The following SPTBN4 variants were observed in gnomAD, a reference collection of about 807,000 sequenced individuals.
SPTBN4 encodes the protein spectrin beta chain, non-erythrocytic 4.
SPTBN4 carries 96 observed loss-of-function variants against 277.8 expected under a neutral mutation model. The observed-to-expected ratio is 0.35, with a 90% CI of 0.29 to 0.41. The LOEUF (loss-of-function observed/expected upper bound fraction) is 0.41, where lower values mean the gene tolerates loss of function less well. Among genes scored for constraint, SPTBN4 ranks in the 10% least tolerant of loss-of-function variants. The probability of loss-of-function intolerance (pLI) is 1.00; values close to 1 mark genes in which losing one functional copy is unlikely to be tolerated. For synonymous variants in SPTBN4, 1,481 were observed against 1,580.3 expected (o/e 0.94, Z 1.49); for missense variants, 3,006 against 3,595.7 (o/e 0.84, Z 4.19).
Position 40,560,875 on chromosome 19 carries a change from G to A in SPTBN4, c.5915+472G>A, listed in dbSNP as rs2081035765. On this transcript the variant is annotated intron_variant, in intron 27 of 35. Transcript: ENST00000598249. This position sits in a 1 kb window ranked among gnomAD's most constrained non-coding sequence, Gnocchi z 5.2. ...CAGGGTCCTTCCATCATGCCACCCT[G>A]GGAGTCACATGCTGGACCCTCTGCA... 1 of 362,136 alleles carries A rather than the reference G, an allele frequency of 2.8e-6. No individual in the cohort carries two copies. Among genetic ancestry groups the A allele is most frequent in the African/African-American group, 2.2e-5 (1 of 46,126 alleles). 22.4% of individuals were successfully genotyped at this position (362,136 alleles called of 1,614,324 possible).
intron 17 of SPTBN4, among the ~76,000 whole-genome samples, chr19:40,525,968 T>TGTGGGAGGA (rs1003931186): frequency 7.9e-5 from 12 of 152,118 alleles, no homozygotes; most frequent in South Asian, 6.2e-4. Flanking sequence ...TTTCCCACCC[T>TGTGGGAGGA]GTGGGAGGAG....
At chr19:40,541,135 T>G (rs564696683) in intron 20 of SPTBN4, among the ~76,000 whole-genome samples, 1 of 152,322 alleles carries the variant, frequency 6.6e-6, no homozygotes, top group South Asian at 2.1e-4. Flanking sequence ...TGACCTTCTT[T>G]TGTACTATTT....
chr19:40,564,601 G>T (rs1380755910), intron 27 of SPTBN4, among the ~76,000 whole-genome samples: 2 of 152,156 alleles, frequency 1.3e-5, no homozygotes, highest in African/African-American at 4.8e-5. Context: ...ACTTTGGGAG[G>T]CTGAGGCAGG....
At position 40,513,454 on chromosome 19, in the gene SPTBN4, G is replaced by A; in HGVS notation, c.2665G>A (p.Glu889Lys). The change falls in exon 14 of 36, where the codon GAG (glutamate) becomes AAG (lysine). Residue 889 changes from glutamate to lysine, a missense_variant. Physicochemically the swap from Glu to Lys is moderately conservative, Grantham distance 56. Coordinates refer to ENST00000598249, the MANE Select transcript of SPTBN4 (RefSeq NM_020971.3). ...DALAVYRMFG[E>K]VHACELWIGE... ...GCTCGCTGTCTACCGCATGTTTGGCGAGGTGCACGCGTGTGAGCTGTGGAT... is the reference window on the plus strand; with the variant it reads ...GCTCGCTGTCTACCGCATGTTTGGCAAGGTGCACGCGTGTGAGCTGTGGAT... The A allele has an allele frequency of 1.2e-6, 2 of 1,603,930 alleles. No homozygotes were observed. Among genetic ancestry groups the A allele is most frequent in the Non-Finnish European group, 1.7e-6 (2 of 1,178,822 alleles).
chr19:40,512,531 G>A (rs1411841675), intron 13 of SPTBN4, 75 bp from the exon 14 acceptor site: 3 of 1,428,802 alleles, frequency 2.1e-6, no homozygotes, highest in South Asian at 1.4e-5. Flanking sequence ...GACAGGGTAG[G>A]TAGCCCGCAC....
In SPTBN4 at chr19:40,570,515, C is replaced by G. The variant is rs759483017; in HGVS notation, c.7106C>G (p.Pro2369Arg). The G allele has an allele frequency of 6.6e-7, 1 of 1,506,092 alleles. No homozygotes were observed. The highest frequency in any genetic ancestry group is 8.8e-7 in the Non-Finnish European group (1 of 1,134,790). 93.3% of individuals were successfully genotyped at this position (1,506,092 alleles called of 1,614,324 possible). The change falls in exon 33 of 36, where the codon CCG (proline) becomes CGG (arginine). Residue 2369 changes from proline to arginine, a missense_variant. Transcript: ENST00000598249. ...GAGCTGCCCGAGCGGACACCTCGGC[C>G]GGACCGGCCCCGGGCGCGGGACCGG... The part of the protein sequence containing the change: ...GLELPERTPR[P>R]DRPRARDRPK...
intron 2 of SPTBN4, among the ~76,000 whole-genome samples, chr19:40,487,318 G>GC: frequency 6.7e-6 from 1 of 149,504 alleles, no homozygotes; most frequent in Admixed American, 6.7e-5. Flanking sequence ...GGGATTATAG[G>GC]CATGAGCCAC....
chr19:40,506,347 G>A lies in SPTBN4; in HGVS notation c.1777G>A (p.Ala593Thr), dbSNP rs2080330300. 2 of 1,613,876 alleles carry A rather than the reference G, an allele frequency of 1.2e-6. No homozygotes were observed. Among genetic ancestry groups the A allele is most frequent in the South Asian group, 2.2e-5 (2 of 91,060 alleles). ...TGCCGCCCAGAGCGAGCGGGTGGAGGCTCTCAATGCCGCTGCCCTGCGCTT... is the reference window on the plus strand; with the variant it reads ...TGCCGCCCAGAGCGAGCGGGTGGAGACTCTCAATGCCGCTGCCCTGCGCTT... ...DIAAQSERVE[A>T]LNAAALRFSQ... The change falls in exon 13 of 36, where the codon GCT becomes ACT. Residue 593 changes from alanine (A) to threonine (T), a missense_variant. Physicochemically the swap from Ala to Thr is moderately conservative, Grantham distance 58 (BLOSUM62 0). Around this residue, in one of 5 missense-constraint regions of SPTBN4, gnomAD observed 1,759 missense variants for 2,061.5 expected, o/e 0.85. Transcript: ENST00000598249.
At chr19:40,551,425 C>T (rs2080917189) in intron 22 of SPTBN4, among the ~76,000 whole-genome samples, 2 of 151,534 alleles carry the variant, frequency 1.3e-5, no homozygotes, top group African/African-American at 4.9e-5. Flanking sequence ...ACACACGTCC[C>T]CCAAAACAAA....
At chr19:40,467,854 G>A (rs2079843936) in intron 1 of SPTBN4, among the ~76,000 whole-genome samples, 2 of 152,182 alleles carry the variant, frequency 1.3e-5, no homozygotes, top group South Asian at 4.1e-4. Context: ...GAAAGGCCAA[G>A]TTAAAGATAC....
In SPTBN4 at chr19:40,472,809, G is replaced by T; in HGVS notation, c.169+19G>T. 1.3e-6 allele frequency: 2 copies of T among 1,538,980 alleles called. No homozygotes were observed. The highest frequency in any genetic ancestry group is 2.4e-5 in the East Asian group (1 of 41,424). On this transcript the variant is annotated intron_variant, in intron 2 of 35. Coordinates refer to ENST00000598249, the MANE Select transcript of SPTBN4 (RefSeq NM_020971.3). ...TTGGCAGGTACCTGGAGGAGGGCTG[G>T]GGTGGGATGAGGAGGAGGGGGAAGG...
intron 17 of SPTBN4, chr19:40,524,634 G>A (rs1193743981): frequency 6.6e-6 from 3 of 455,844 alleles, no homozygotes; most frequent in Admixed American, 4.7e-5. Context: ...GCACAGGTGT[G>A]TTCCAGCTTT....
chr19:40,553,123 T>C (rs753866056), intron 22 of SPTBN4, among the ~76,000 whole-genome samples: 5 of 152,170 alleles, frequency 3.3e-5, no homozygotes, highest in Non-Finnish European at 7.3e-5. Context: ...GGTGTGAGGC[T>C]ATATTATGTA....
rs1568798493 is a variant in SPTBN4 at position 40,515,962 on chromosome 19, CGTATATATACACAT to C, written c.2903+515_2903+528del. ...ATATACGTATATATACACATATATA[CGTATATATACACAT>C]ATATACGTATATATACACATATATA... On this transcript the variant is annotated intron_variant, in intron 15 of 35. Coordinates refer to ENST00000598249, the MANE Select transcript of SPTBN4 (RefSeq NM_020971.3). The surrounding 1 kb of genome is among the most constrained non-coding windows in gnomAD (Gnocchi z 4.1). Among the ~76,000 whole-genome samples the C allele has an allele frequency of 8.2e-5, 12 of 145,502 alleles. No individual in the cohort carries two copies. Among genetic ancestry groups the C allele is most frequent in the Admixed American group, 1.4e-4 (2 of 14,480 alleles).
Position 40,560,307 on chromosome 19 carries a change from C to T in SPTBN4, c.5819C>T (p.Ser1940Phe). 1.2e-6 allele frequency: 2 copies of T among 1,614,116 alleles called. No individual in the cohort carries two copies. Among genetic ancestry groups the T allele is most frequent in the Non-Finnish European group, 1.7e-6 (2 of 1,180,010 alleles). ...ACEDARLHVS[S>F]TADALRFHSQ... ...GAGGATGCCCGCCTGCATGTCAGCT[C>T]CACAGCCGACGCCCTGCGCTTCCAC... Residue 1940 changes from serine to phenylalanine, a missense_variant, in exon 27 of 36, where the codon TCC becomes TTC. Around this residue, in one of 5 missense-constraint regions of SPTBN4, gnomAD observed 425 missense variants for 594.7 expected, o/e 0.71. Transcript: ENST00000598249. This position sits in a 1 kb window ranked among gnomAD's most constrained non-coding sequence, Gnocchi z 5.2.
intron 5 of SPTBN4, among the ~76,000 whole-genome samples, chr19:40,494,204 G>A (rs557385770): frequency 5.5e-4 from 83 of 152,260 alleles, no homozygotes; most frequent in African/African-American, 2.0e-3. Context: ...CCTTCTGGCT[G>A]TCTGTCTTGC....
chr19:40,482,805 T>C (rs1324794031), intron 2 of SPTBN4, among the ~76,000 whole-genome samples: 2 of 151,590 alleles, frequency 1.3e-5, no homozygotes, highest in African/African-American at 4.9e-5. Flanking sequence ...CTACAAAATA[T>C]ACAAAATTAG....
intron 34 of SPTBN4, 28 bp from the exon 35 acceptor site, chr19:40,572,310 C>A (rs1568383584): frequency 6.2e-7 from 1 of 1,613,538 alleles, no homozygotes; most frequent in East Asian, 2.2e-5. Flanking sequence ...TTCCCCAGAT[C>A]TCTGAAGTCC....
chr19:40,544,030 A>G (rs2080828868), intron 20 of SPTBN4, among the ~76,000 whole-genome samples: 1 of 151,868 alleles, frequency 6.6e-6, no homozygotes, highest in South Asian at 2.1e-4. Context: ...ACCATCTGTT[A>G]TGAACTTCTT....
Sources: allele counts gnomAD v4.1 joint callset (sites outside exome capture counted in the v4.1 genomes callset), GRCh38; gene constraint gnomAD v4.1.1; regional missense constraint gnomAD v4.1.1; non-coding constraint Gnocchi (gnomAD v3.1); transcripts MANE v1.5; gene names NCBI Gene and HGNC (gene_info 2026-07-23, HGNC 2026-07-21).